The following FBXL13 variants were observed in gnomAD, a reference collection of about 807,000 sequenced individuals.
FBXL13 encodes the protein F-box and leucine-rich repeat protein 13.
Under a neutral mutation model 83.6 loss-of-function variants are expected in FBXL13, and 67 were observed. The observed-to-expected ratio is 0.80, with a 90% CI of 0.66 to 0.98. The LOEUF is 0.98. Among genes scored for constraint, FBXL13 ranks in the 50% least tolerant of loss-of-function variants. The pLI is 0.00. For synonymous variants in FBXL13, 272 were observed against 299.5 expected, an observed-to-expected ratio of 0.91 and a Z score of 0.95; for missense variants, 822 against 866.5, an observed-to-expected ratio of 0.95 and a Z score of 0.64.
At position 102,981,213 on chromosome 7, in the gene FBXL13, T is replaced by C. The variant is rs1585229839; in HGVS notation, c.496-13096A>G. ...GCAGCACAGAAAAGTAGTAGAAATA[T>C]AGAATCAATTTTCTGAGCATACAGA... On this transcript the variant is annotated intron_variant, in intron 6 of 19. Transcript: ENST00000313221. 1.3e-5 allele frequency among the ~76,000 whole-genome samples: 2 copies of C among 152,300 alleles called. 1 individual carries two copies. The highest frequency in any genetic ancestry group is 4.8e-5 in the African/African-American group (2 of 41,542).
intron 18 of FBXL13, chr7:102,827,177 G>A (rs1280576423): frequency 6.6e-6 from 3 of 454,238 alleles, no homozygotes; most frequent in African/African-American, 6.0e-5. Flanking sequence ...CTTGGAATGT[G>A]TTACTGCCCT....
intron 6 of FBXL13, among the ~76,000 whole-genome samples, 200 bp from the exon 8 acceptor site, chr7:102,968,317 C>T (rs925728732): frequency 6.6e-6 from 1 of 152,210 alleles, no homozygotes; most frequent in Admixed American, 6.5e-5. Flanking sequence ...ATCTAAAGTA[C>T]TGGAACTTAC....
chr7:103,024,826 T>C (rs1423417221), intron 6 of FBXL13, among the ~76,000 whole-genome samples: 1 of 137,646 alleles, frequency 7.3e-6, no homozygotes, highest in Non-Finnish European at 1.5e-5. Context: ...TATATGTATA[T>C]ATATGTGTAT....
At chr7:103,033,604 T>C (rs952764638) in intron 2 of FBXL13, among the ~76,000 whole-genome samples, 1 of 152,122 alleles carries the variant, frequency 6.6e-6, no homozygotes, top group Non-Finnish European at 1.5e-5. Context: ...GCAGCGCGTC[T>C]GGAGTTGTTC....
Position 103,029,349 on chromosome 7 carries a change from A to G in FBXL13, c.68+2T>C, listed in dbSNP as rs1276261156. ...AAGAAATTGTAAAAATCACATTCTT[A>G]CCAAAAATGAGTCTTTACTAAATGT... On this transcript the variant is annotated splice_donor_variant, in intron 3 of 19. Coordinates refer to ENST00000313221, the Ensembl canonical transcript of FBXL13. LOFTEE classifies it high-confidence loss of function. The G allele has an allele frequency of 1.3e-6, 2 of 1,535,914 alleles. No homozygotes were observed. The highest frequency in any genetic ancestry group is 4.7e-5 in the East Asian group (2 of 42,146).
At chr7:102,974,702 C>T (rs762396005) in intron 6 of FBXL13, among the ~76,000 whole-genome samples, 2 of 152,068 alleles carry the variant, frequency 1.3e-5, no homozygotes, top group Non-Finnish European at 2.9e-5. Flanking sequence ...CCTCCCAACT[C>T]GACATATTTT....
chr7:103,038,508 C>T (rs1795311538), intron 2 of FBXL13, among the ~76,000 whole-genome samples: 1 of 152,232 alleles, frequency 6.6e-6, no homozygotes, highest in Non-Finnish European at 1.5e-5. Context: ...AGACTGCCTC[C>T]TCAAGCAGGT....
chr7:102,896,378 T>C (rs1285697896), intron 11 of FBXL13, among the ~76,000 whole-genome samples: 1 of 152,146 alleles, frequency 6.6e-6, no homozygotes, highest in Non-Finnish European at 1.5e-5. Flanking sequence ...TAACTTGGAC[T>C]GGGGTGGTGG....
At chr7:102,950,083 C>T (rs1052453890) in intron 8 of FBXL13, among the ~76,000 whole-genome samples, 10 of 151,644 alleles carry the variant, frequency 6.6e-5, no homozygotes, top group African/African-American at 9.7e-5. Context: ...CCAGTCTGGG[C>T]GAACCAGCAA....
At chr7:102,958,417 G>A (rs947651649) in intron 8 of FBXL13, among the ~76,000 whole-genome samples, 5 of 151,786 alleles carry the variant, frequency 3.3e-5, no homozygotes, top group Admixed American at 2.6e-4. Context: ...GATAGCATTA[G>A]GAGAAATACC....
chr7:102,826,409 A>G (rs899745724), intron 18 of FBXL13, among the ~76,000 whole-genome samples: 1 of 151,970 alleles, frequency 6.6e-6, no homozygotes, highest in African/African-American at 2.4e-5. Context: ...TAAACCCCTG[A>G]ACTGTGGGAG....
At chr7:102,867,259 G>A (rs1807786863) in intron 16 of FBXL13, among the ~76,000 whole-genome samples, 1 of 152,042 alleles carries the variant, frequency 6.6e-6, no homozygotes, top group African/African-American at 2.4e-5. Flanking sequence ...TTGGGAGGCT[G>A]AGGCAGGAGG....
chr7:102,934,856 A>C (rs181723074), intron 8 of FBXL13, among the ~76,000 whole-genome samples: 177 of 152,310 alleles, frequency 1.2e-3, no homozygotes, highest in African/African-American at 4.0e-3. Context: ...GTCCAGACTC[A>C]AGGCAGTTGG....
rs535804861 is a variant in FBXL13 at position 102,897,966 on chromosome 7, A to G, written c.1009-13654T>C. 6.8e-4 allele frequency among the ~76,000 whole-genome samples: 104 copies of G among 152,316 alleles called. 1 individual carries two copies. Among genetic ancestry groups the G allele is most frequent in the African/African-American group, 2.5e-3 (103 of 41,556 alleles). ...ACTCCTTTTGTAATATACTTATAAC[A>G]TTGCTATAAAAATTAATTACATGGG... On this transcript the variant is annotated intron_variant, in intron 11 of 19. Coordinates refer to ENST00000313221, the Ensembl canonical transcript of FBXL13.
intron 6 of FBXL13, among the ~76,000 whole-genome samples, chr7:103,009,961 G>C (rs921172441): frequency 6.6e-6 from 1 of 152,226 alleles, no homozygotes; most frequent in African/African-American, 2.4e-5. Flanking sequence ...ACCTGCTAGA[G>C]CTTGCAGCCC....
intron 6 of FBXL13, among the ~76,000 whole-genome samples, chr7:102,994,797 T>C (rs1172337810): frequency 6.6e-6 from 1 of 152,164 alleles, no homozygotes; most frequent in Non-Finnish European, 1.5e-5. Flanking sequence ...CAGGCTACAC[T>C]CTATTGGTTG....
intron 11 of FBXL13, among the ~76,000 whole-genome samples, chr7:102,898,791 T>C (rs940123510): frequency 1.8e-4 from 27 of 152,234 alleles, no homozygotes; most frequent in African/African-American, 6.5e-4. Context: ...AACATGAGCA[T>C]GTGACTAATG....
chr7:103,035,280 G>A (rs1049451100), intron 2 of FBXL13, among the ~76,000 whole-genome samples: 4 of 152,166 alleles, frequency 2.6e-5, no homozygotes, highest in Non-Finnish European at 4.4e-5. Flanking sequence ...GACACTAGGA[G>A]GAATTCTTGA....
At chr7:103,055,141 G>A (rs182343720) in intron 2 of FBXL13, 3 of 1,288,852 alleles carry the variant, frequency 2.3e-6, no homozygotes, top group Admixed American at 2.3e-5. Flanking sequence ...GACAATCTTC[G>A]AATGTTTGGT....
Sources: allele counts gnomAD v4.1 joint callset (sites outside exome capture counted in the v4.1 genomes callset), GRCh38; gene constraint gnomAD v4.1.1; transcripts MANE v1.5; gene names NCBI Gene and HGNC (gene_info 2026-07-23, HGNC 2026-07-21).